The following SYTL5 variants were observed in gnomAD, a reference collection of about 807,000 sequenced individuals.
The protein encoded by SYTL5 is synaptotagmin like 5.
In SYTL5, 34 loss-of-function variants were observed where a neutral mutation model predicts 55.9. The observed-to-expected ratio is 0.61, with a 90% CI of 0.46 to 0.81. The LOEUF (loss-of-function observed/expected upper bound fraction) is 0.81. Among genes scored for constraint, SYTL5 ranks in the 30% least tolerant of loss-of-function variants. The pLI, the probability that SYTL5 is intolerant of heterozygous loss-of-function variation, is 0.00. For synonymous variants in SYTL5, 221 were observed against 188.7 expected (o/e 1.17, Z -1.40); for missense variants, 637 against 546.7 (o/e 1.17, Z -1.65).
At chrX:37,927,735 CA>C in the SYTL5 span, among the ~76,000 whole-genome samples, 1 of 111,120 alleles carries the variant, frequency 9.0e-6, no homozygotes, top group Non-Finnish European at 1.9e-5. Context: ...AAGATTGTAC[CA>C]TTGCACTCCA....
chrX:38,037,549 C>T (rs1482825389), intron 2 of SYTL5, among the ~76,000 whole-genome samples: 9 of 111,658 alleles, frequency 8.1e-5, no homozygotes, highest in African/African-American at 2.9e-4. Context: ...ATCTTCCCAA[C>T]AATTTTTATC....
At position 38,110,454 on chromosome X, in the gene SYTL5, C is replaced by T. The variant is rs756737556; in HGVS notation, c.1568C>T (p.Thr523Ile). The change falls in exon 13 of 17, where the codon ACT (threonine) becomes ATT (isoleucine). Residue 523 changes from threonine to isoleucine, a missense_variant. Thr to Ile is a moderately conservative substitution (Grantham distance 89). Transcript: ENST00000297875. Reference protein sequence around the residue: ...PFDSWNFENPTDEWFVLQPKV... With the variant: ...PFDSWNFENPIDEWFVLQPKV... Reference sequence around the variant, plus strand: ...GACTCATGGAACTTTGAAAATCCAACTGATGAGTGGTTTGTGCTTCAACCC... The same window carrying T: ...GACTCATGGAACTTTGAAAATCCAATTGATGAGTGGTTTGTGCTTCAACCC... 35 of 1,204,272 alleles carry T rather than the reference C, an allele frequency of 2.9e-5. No individual in the cohort carries two copies. The highest frequency in any genetic ancestry group is 3.6e-5 in the Non-Finnish European group (32 of 892,284).
chrX:38,097,753 A>G (rs1009798658), intron 9 of SYTL5, among the ~76,000 whole-genome samples: 3 of 109,985 alleles, frequency 2.7e-5, no homozygotes, highest in African/African-American at 6.6e-5. Context: ...AACAAAATCA[A>G]TTTTAAAGAG....
chrX:37,896,556 C>T, the SYTL5 span, among the ~76,000 whole-genome samples: 1 of 111,615 alleles, frequency 9.0e-6, no homozygotes, highest in East Asian at 2.8e-4. Flanking sequence ...CTGGGGCTTA[C>T]TGTATTACTG....
chrX:37,984,446 T>C, the SYTL5 span, among the ~76,000 whole-genome samples: 3 of 111,669 alleles, frequency 2.7e-5, no homozygotes, highest in African/African-American at 9.7e-5. Context: ...AAATAGATAA[T>C]CTGAATAGAC....
the SYTL5 span, among the ~76,000 whole-genome samples, chrX:37,939,200 G>A: frequency 1.8e-5 from 2 of 108,516 alleles, no homozygotes; most frequent in Non-Finnish European, 3.8e-5. Flanking sequence ...GGCAGAGGTT[G>A]CGGTGAGCTG....
the SYTL5 span, among the ~76,000 whole-genome samples, chrX:37,902,413 G>A: frequency 8.9e-6 from 1 of 112,027 alleles, no homozygotes; most frequent in Non-Finnish European, 1.9e-5. Context: ...CTGTGCACAA[G>A]TCATCACCTG....
At chrX:38,095,066 C>A (rs1334541466) in intron 8 of SYTL5, among the ~76,000 whole-genome samples, 1 of 111,611 alleles carries the variant, frequency 9.0e-6, no homozygotes, top group Non-Finnish European at 1.9e-5. Flanking sequence ...AATCATGATG[C>A]AGTCTTCAAC....
At chrX:38,062,455 A>G (rs1256427345) in intron 3 of SYTL5, among the ~76,000 whole-genome samples, 1 of 112,239 alleles carries the variant, frequency 8.9e-6, no homozygotes, top group East Asian at 2.8e-4. Context: ...TATAACTGAA[A>G]TAGATGAAAA....
the SYTL5 span, among the ~76,000 whole-genome samples, chrX:37,904,288 G>T: frequency 9.5e-6 from 1 of 104,790 alleles, no homozygotes; most frequent in African/African-American, 3.5e-5. Flanking sequence ...GATATTTCCT[G>T]CAAGGTAGGG....
chrX:38,001,712 G>T (rs967042893), upstream of SYTL5, among the ~76,000 whole-genome samples: 1 of 111,398 alleles, frequency 9.0e-6, no homozygotes, highest in African/African-American at 3.3e-5. Flanking sequence ...GGACATATAG[G>T]TTGTTTTCAA....
At chrX:37,968,509 G>A in the SYTL5 span, among the ~76,000 whole-genome samples, 118 of 111,208 alleles carry the variant, frequency 1.1e-3, no homozygotes, top group African/African-American at 3.7e-3. Context: ...TCTGTGGGAG[G>A]GGCACCCATG....
chrX:37,902,396 G>A, the SYTL5 span, among the ~76,000 whole-genome samples: 4 of 112,064 alleles, frequency 3.6e-5, no homozygotes, highest in African/African-American at 1.3e-4. Context: ...CAAGCTGTGT[G>A]TCTGAGCTGT....
chrX:37,897,220 C>G, the SYTL5 span, among the ~76,000 whole-genome samples: 1 of 104,676 alleles, frequency 9.6e-6, no homozygotes, highest in Non-Finnish European at 2.0e-5. Context: ...TGCGGTGGCT[C>G]ATGTCCATAA....
the SYTL5 span, among the ~76,000 whole-genome samples, chrX:37,888,930 CAAAA>C: frequency 3.7e-5 from 2 of 54,184 alleles, no homozygotes; most frequent in African/African-American, 5.0e-5. Flanking sequence ...GACTCTGTCT[CAAAA>C]AAAAAAAAAA....
the SYTL5 span, among the ~76,000 whole-genome samples, chrX:37,908,575 G>A: frequency 2.7e-5 from 3 of 111,657 alleles, no homozygotes; most frequent in Admixed American, 9.5e-5. Context: ...ACCTGTGATC[G>A]TATCAATGTT....
the SYTL5 span, among the ~76,000 whole-genome samples, chrX:37,892,852 T>C: frequency 1.1e-5 from 1 of 91,109 alleles, no homozygotes; most frequent in Non-Finnish European, 2.1e-5. Context: ...ATATATAACA[T>C]ACCACACTCT....
At chrX:37,944,577 G>T in the SYTL5 span, among the ~76,000 whole-genome samples, 1 of 111,320 alleles carries the variant, frequency 9.0e-6, no homozygotes, top group African/African-American at 3.3e-5. Flanking sequence ...CATGCCAAGT[G>T]GGCAGTGGGG....
intron 2 of SYTL5, among the ~76,000 whole-genome samples, chrX:38,043,665 A>G (rs757769835): frequency 4.3e-4 from 26 of 60,602 alleles, no homozygotes; most frequent in Admixed American, 3.2e-3. Flanking sequence ...ATGTATGTAT[A>G]TATATATATA....
Sources: gnomAD v4.1 joint callset for allele counts (sites outside exome capture counted in the v4.1 genomes callset) on GRCh38, gnomAD v4.1.1 for gene constraint, MANE v1.5 for transcripts, NCBI Gene and HGNC (gene_info 2026-07-23, HGNC 2026-07-21) for gene names.